ZC3H12B: variants seen among roughly 807,000 people sequenced by gnomAD.
ZC3H12B encodes zinc finger CCCH-type containing 12B.
Under a neutral mutation model 43.9 loss-of-function variants are expected in ZC3H12B, and 7 were observed. The observed-to-expected ratio is 0.16, with a 90% CI of 0.09 to 0.30. ZC3H12B has a LOEUF of 0.30. Ranked by LOEUF, ZC3H12B falls within the 10% of genes least tolerant of loss-of-function variation. ZC3H12B has a pLI of 1.00. For synonymous variants in ZC3H12B, 222 were observed against 241.7 expected, an observed-to-expected ratio of 0.92 and a Z score of 0.76; for missense variants, 475 against 670.2, an observed-to-expected ratio of 0.71 and a Z score of 3.22.
the ZC3H12B span, among the ~76,000 whole-genome samples, chrX:65,361,549 G>A: frequency 1.1e-3 from 119 of 111,854 alleles, no homozygotes; most frequent in Non-Finnish European, 1.9e-3. Flanking sequence ...CTGGTTTACT[G>A]TTCCTCTTAA....
At chrX:65,441,516 A>G (rs778049414) in intron 3 of ZC3H12B, among the ~76,000 whole-genome samples, 26 of 111,434 alleles carry the variant, frequency 2.3e-4, no homozygotes, top group Middle Eastern at 4.6e-3. Flanking sequence ...ATTTAATTTC[A>G]CTTCTTCCCA....
the ZC3H12B span, among the ~76,000 whole-genome samples, chrX:65,183,384 G>C: frequency 1.8e-5 from 2 of 111,128 alleles, no homozygotes; most frequent in African/African-American, 6.5e-5. Flanking sequence ...TGGACACAAA[G>C]AAGATAACAG....
chrX:65,155,325 T>C, the ZC3H12B span, among the ~76,000 whole-genome samples: 1 of 110,425 alleles, frequency 9.1e-6, no homozygotes, highest in Non-Finnish European at 1.9e-5. Flanking sequence ...TCTGTATCTC[T>C]TAGAGCGATC....
At chrX:65,314,132 GA>G in the ZC3H12B span, among the ~76,000 whole-genome samples, 227 of 108,497 alleles carry the variant, frequency 2.1e-3, no homozygotes, top group South Asian at 0.013. Flanking sequence ...AGAACACAGA[GA>G]AAAAAAAATT....
At chrX:65,305,547 G>A in the ZC3H12B span, among the ~76,000 whole-genome samples, 6 of 111,672 alleles carry the variant, frequency 5.4e-5, no homozygotes, top group East Asian at 8.4e-4. Flanking sequence ...CCCCTTCTCT[G>A]CCTGATAAAC....
the ZC3H12B span, among the ~76,000 whole-genome samples, chrX:65,079,855 A>T: frequency 1.8e-5 from 2 of 111,083 alleles, no homozygotes; most frequent in African/African-American, 6.6e-5. Context: ...CCAGGAAAAC[A>T]TGACCTCACC....
the ZC3H12B span, among the ~76,000 whole-genome samples, chrX:65,213,378 C>T: frequency 9.0e-6 from 1 of 111,026 alleles, no homozygotes; most frequent in Admixed American, 9.7e-5. Flanking sequence ...TTATGTGTCC[C>T]AATACTCTGT....
the ZC3H12B span, among the ~76,000 whole-genome samples, chrX:65,162,377 C>A: frequency 8.9e-6 from 1 of 111,989 alleles, no homozygotes; most frequent in Non-Finnish European, 1.9e-5. Flanking sequence ...AACTTCGTTC[C>A]GTTCTCCCCA....
At chrX:65,286,821 A>C in the ZC3H12B span, among the ~76,000 whole-genome samples, 1 of 110,804 alleles carries the variant, frequency 9.0e-6, no homozygotes, top group Non-Finnish European at 1.9e-5. Flanking sequence ...ATGTATACAC[A>C]TGTGAAAGTA....
chrX:65,117,895 G>T, the ZC3H12B span, among the ~76,000 whole-genome samples: 4 of 111,105 alleles, frequency 3.6e-5, no homozygotes, highest in Non-Finnish European at 7.6e-5. Flanking sequence ...TATTTCTGGA[G>T]GGTGTGTTCT....
the ZC3H12B span, among the ~76,000 whole-genome samples, chrX:65,345,163 T>A: frequency 9.8e-5 from 11 of 112,205 alleles, no homozygotes; most frequent in African/African-American, 3.2e-4. Flanking sequence ...CTAAAAACAG[T>A]AATACCATTC....
chrX:65,411,297 G>C (rs1040263982), intron 3 of ZC3H12B, among the ~76,000 whole-genome samples: 1 of 112,337 alleles, frequency 8.9e-6, no homozygotes, highest in African/African-American at 3.2e-5. Flanking sequence ...ATGCTTACCA[G>C]AGGCTAAGAG....
the ZC3H12B span, among the ~76,000 whole-genome samples, chrX:65,099,574 C>G: frequency 1.8e-5 from 2 of 111,337 alleles, no homozygotes; most frequent in African/African-American, 6.5e-5. Flanking sequence ...GCTTGTGATA[C>G]TCAGGCAAAT....
At chrX:65,179,669 C>T in the ZC3H12B span, among the ~76,000 whole-genome samples, 4 of 111,115 alleles carry the variant, frequency 3.6e-5, no homozygotes, top group Admixed American at 9.6e-5. Flanking sequence ...ACCACTGATC[C>T]AACAGAAATA....
At chrX:65,113,997 A>G in the ZC3H12B span, among the ~76,000 whole-genome samples, 1 of 34,314 alleles carries the variant, frequency 2.9e-5, no homozygotes, top group Non-Finnish European at 5.5e-5. Context: ...ATATATATAT[A>G]TATATATATA....
the ZC3H12B span, among the ~76,000 whole-genome samples, chrX:65,118,677 C>A: frequency 9.1e-6 from 1 of 109,630 alleles, no homozygotes; most frequent in Admixed American, 9.8e-5. Flanking sequence ...ATACTTTAAG[C>A]TTTATGGTAC....
chrX:65,229,527 G>A, the ZC3H12B span, among the ~76,000 whole-genome samples: 2 of 111,112 alleles, frequency 1.8e-5, no homozygotes, highest in East Asian at 5.6e-4. Flanking sequence ...AGCCAAAATT[G>A]ACAAGTGGGA....
chrX:65,335,983 G>C, the ZC3H12B span, among the ~76,000 whole-genome samples: 1 of 111,611 alleles, frequency 9.0e-6, no homozygotes. Flanking sequence ...AGCATAGTTT[G>C]TAACTGACCA....
chrX:65,156,480 A>C, the ZC3H12B span, among the ~76,000 whole-genome samples: 14 of 111,586 alleles, frequency 1.3e-4, no homozygotes, highest in Non-Finnish European at 2.3e-4. Context: ...TCTGGGGCTC[A>C]AGTGATTCTA....
Sources: gnomAD v4.1 joint callset for allele counts (sites outside exome capture counted in the v4.1 genomes callset) on GRCh38, gnomAD v4.1.1 for gene constraint, MANE v1.5 for transcripts, NCBI Gene and HGNC (gene_info 2026-07-23, HGNC 2026-07-21) for gene names.